AREL1: variants seen among roughly 807,000 people sequenced by gnomAD.
AREL1 encodes apoptosis resistant E3 ubiquitin protein ligase 1.
In AREL1, 62 loss-of-function variants were observed where a neutral mutation model predicts 99.0. That is an observed-to-expected ratio of 0.63 (90% CI 0.51 to 0.77). AREL1 has a LOEUF of 0.77. Ranked by LOEUF, AREL1 falls within the 30% of genes least tolerant of loss-of-function variation. AREL1 has a pLI of 0.00. For synonymous variants in AREL1, 380 were observed against 376.5 expected, an observed-to-expected ratio of 1.01 and a Z score of -0.11; for missense variants, 879 against 1,027.6, an observed-to-expected ratio of 0.86 and a Z score of 1.98.
At chr14:74,701,185 C>T (rs2090078756) in intron 1 of AREL1, among the ~76,000 whole-genome samples, 1 of 151,450 alleles carries the variant, frequency 6.6e-6, no homozygotes, top group Non-Finnish European at 1.5e-5. Flanking sequence ...AGGAAGAAGC[C>T]AAGGAAAAAG....
intron 1 of AREL1, among the ~76,000 whole-genome samples, chr14:74,699,376 T>TGTGTGA (rs1293143164): frequency 1.5e-4 from 20 of 135,612 alleles, no homozygotes; most frequent in African/African-American, 7.9e-5. Flanking sequence ...TGTGTGTGTG[T>TGTGTGA]GAGAGAGAGA....
At chr14:74,676,436 T>C in intron 6 of AREL1, 115 bp from the exon 7 acceptor site, 1 of 1,427,884 alleles carries the variant, frequency 7.0e-7, no homozygotes. Context: ...ACAAAATTAC[T>C]AATGAGACAG....
chr14:74,672,711 G>A, intron 11 of AREL1, 120 bp downstream of exon 11: 1 of 1,391,994 alleles, frequency 7.2e-7, no homozygotes, highest in East Asian at 2.3e-5. Flanking sequence ...CCCCAGCCTG[G>A]GCAATAGAGT....
chr14:74,688,539 C>A (rs1400749499), intron 2 of AREL1, among the ~76,000 whole-genome samples: 1 of 152,200 alleles, frequency 6.6e-6, no homozygotes, highest in Non-Finnish European at 1.5e-5. Context: ...TCTGCCCCAC[C>A]TCTATTCATC....
chr14:74,668,081 G>C (rs544140501), intron 15 of AREL1, among the ~76,000 whole-genome samples: 4 of 152,208 alleles, frequency 2.6e-5, no homozygotes, highest in African/African-American at 9.6e-5. Flanking sequence ...TTTGATACTT[G>C]AAGATCCTGG....
chr14:74,676,021 C>T (rs1246981916), intron 7 of AREL1, 75 bp from the exon 8 acceptor site: 1 of 1,545,460 alleles, frequency 6.5e-7, no homozygotes. Context: ...GGCTTTTAGT[C>T]CACAGGACAA....
chr14:74,693,008 G>T (rs1277576374), intron 1 of AREL1, among the ~76,000 whole-genome samples: 1 of 151,898 alleles, frequency 6.6e-6, no homozygotes, highest in Non-Finnish European at 1.5e-5. Flanking sequence ...TTCTTCAGTA[G>T]AAGCAAACTA....
intron 2 of AREL1, among the ~76,000 whole-genome samples, chr14:74,688,323 C>A (rs937450188): frequency 2.6e-5 from 4 of 152,100 alleles, no homozygotes; most frequent in Non-Finnish European, 5.9e-5. Flanking sequence ...CCACGCCCGG[C>A]CCTGAGTACT....
chr14:74,706,334 G>C (rs1272129995), intron 1 of AREL1, among the ~76,000 whole-genome samples: 1 of 152,182 alleles, frequency 6.6e-6, no homozygotes, highest in Non-Finnish European at 1.5e-5. Flanking sequence ...CTGCAGCCCA[G>C]TCGGGTGGAA....
intron 9 of AREL1, among the ~76,000 whole-genome samples, chr14:74,673,765 A>AT (rs1199668904): frequency 6.6e-6 from 1 of 152,218 alleles, no homozygotes; most frequent in African/African-American, 2.4e-5. Flanking sequence ...CATCTTCTCT[A>AT]TTAACTTAGT....
Position 74,698,998 on chromosome 14 carries a change from C to T in AREL1, c.-333-6670G>A, listed in dbSNP as rs925471734. 4 of 153,720 alleles carry T rather than the reference C, an allele frequency of 2.6e-5. No individual in the cohort carries two copies. The South Asian group carries it at 5.5e-4, about 21-fold the overall frequency. The allele number at this position is 153,720 out of a possible 1,614,324, so 9.5% of individuals were successfully genotyped here. A position where few individuals can be genotyped will look rare whatever the true frequency, so the allele number is the denominator to read the frequency against. Reference sequence around the variant, plus strand: ...CTGACTGCTCCACTACACTTCAGACCGTGTGAAGAGCAAGACTCTGTCTCC... The same window carrying T: ...CTGACTGCTCCACTACACTTCAGACTGTGTGAAGAGCAAGACTCTGTCTCC... On this transcript the variant is annotated intron_variant, in intron 1 of 19. Transcript: ENST00000356357.
At chr14:74,699,366 T>C (rs1399610916) in intron 1 of AREL1, among the ~76,000 whole-genome samples, 1 of 129,564 alleles carries the variant, frequency 7.7e-6, no homozygotes, top group Non-Finnish European at 1.7e-5. Flanking sequence ...TGTGTGTGTG[T>C]GTGTGTGTGT....
intron 17 of AREL1, among the ~76,000 whole-genome samples, chr14:74,666,442 C>A (rs1470224387): frequency 6.6e-6 from 1 of 152,122 alleles, no homozygotes; most frequent in Admixed American, 6.6e-5. Flanking sequence ...GTTACAGGAT[C>A]TGAAATAAGA....
intron 5 of AREL1, chr14:74,678,142 A>G: frequency 2.2e-6 from 1 of 449,564 alleles, no homozygotes; most frequent in Admixed American, 2.5e-5. Context: ...ATACTAAAAC[A>G]ATTTTGAAAA....
At chr14:74,684,419 C>A (rs45569736) in intron 4 of AREL1, 35 bp downstream of exon 4, 1 of 1,599,128 alleles carries the variant, frequency 6.3e-7, no homozygotes, top group East Asian at 2.2e-5. Context: ...TACTCAGAAA[C>A]CCCAATGGGT....
At chr14:74,712,803 G>A (rs996224973) in intron 1 of AREL1, 130 bp downstream of exon 1, 8 of 382,222 alleles carry the variant, frequency 2.1e-5, no homozygotes, top group Middle Eastern at 8.8e-4. Flanking sequence ...AGGGTGAGGA[G>A]AATGTGTTCC....
intron 2 of AREL1, among the ~76,000 whole-genome samples, chr14:74,688,045 T>G (rs1481167579): frequency 1.4e-5 from 2 of 146,782 alleles, no homozygotes; most frequent in Non-Finnish European, 1.5e-5. Flanking sequence ...TTTTTTTTTT[T>G]GACGGAGTCT....
At chr14:74,712,501 C>G (rs956105659) in intron 1 of AREL1, among the ~76,000 whole-genome samples, 25 of 152,140 alleles carry the variant, frequency 1.6e-4, no homozygotes, top group Non-Finnish European at 1.0e-4. Context: ...CACAAATTCT[C>G]CCTTTTTACT....
At position 74,672,830 on chromosome 14, in the gene AREL1, C is replaced by A; in HGVS notation, c.1422+1G>T. On this transcript the variant is annotated splice_donor_variant, in intron 11 of 19. Coordinates refer to ENST00000356357, the MANE Select transcript of AREL1 (RefSeq NM_001039479.2). LOFTEE classifies it high-confidence loss of function. The stretch of plus-strand genomic sequence containing the variant: ...GCTGACAGAGATGAAATTTTACCTA[C>A]CGATTCCAACAAGGCATGTCTGCTG... 1 of 1,614,122 alleles carries A rather than the reference C, an allele frequency of 6.2e-7. No homozygotes were observed. Among genetic ancestry groups the A allele is most frequent in the Non-Finnish European group, 8.5e-7 (1 of 1,179,994 alleles).
Sources: allele counts gnomAD v4.1 joint callset (sites outside exome capture counted in the v4.1 genomes callset), GRCh38; gene constraint gnomAD v4.1.1; transcripts MANE v1.5; gene names NCBI Gene and HGNC (gene_info 2026-07-23, HGNC 2026-07-21).